Variants in CCDC85A observed in about 807,000 individuals in gnomAD.
CCDC85A encodes coiled-coil domain-containing protein 85A.
In CCDC85A, 38 loss-of-function variants were observed where a neutral mutation model predicts 50.2. The observed-to-expected ratio is 0.76, with a 90% CI of 0.58 to 0.99. The LOEUF (loss-of-function observed/expected upper bound fraction) is 0.99, where lower values mean the gene tolerates loss of function less well. Among genes scored for constraint, CCDC85A ranks in the 50% least tolerant of loss-of-function variants. The pLI is 0.00. For synonymous variants in CCDC85A, 366 were observed against 301.4 expected (o/e 1.21, Z -2.22); for missense variants, 820 against 742.0 (o/e 1.11, Z -1.22).
chr2:56,325,241 G>A (rs1012499965), intron 2 of CCDC85A, among the ~76,000 whole-genome samples: 18 of 152,128 alleles, frequency 1.2e-4, no homozygotes, highest in African/African-American at 3.9e-4. Flanking sequence ...GTCATTATAT[G>A]TATAATTATA....
In CCDC85A at chr2:56,184,558, C is replaced by T; in HGVS notation, c.-67C>T. 7.4e-7 allele frequency: 1 copy of T among 1,357,692 alleles called. No individual in the cohort carries two copies. 84.1% of individuals were successfully genotyped at this position (1,357,692 alleles called of 1,614,324 possible). A position where few individuals can be genotyped will look rare whatever the true frequency, so the allele number is the denominator to read the frequency against. On this transcript the variant is annotated 5_prime_UTR_variant, in exon 1 of 6. Transcript: ENST00000407595. The stretch of plus-strand genomic sequence containing the variant: ...GGGGTGTGGGCGGAGGCGGCCTCGC[C>T]GCGCCCGCGCCTTCGGGAGTCGCCT...
intron 2 of CCDC85A, among the ~76,000 whole-genome samples, chr2:56,253,663 C>G (rs1032098440): frequency 6.6e-6 from 1 of 152,082 alleles, no homozygotes; most frequent in Admixed American, 6.6e-5. Context: ...AGGAGGTGGC[C>G]TAGTCAAGGC....
chr2:56,194,757 G>A (rs1676459061), intron 2 of CCDC85A, among the ~76,000 whole-genome samples: 1 of 152,188 alleles, frequency 6.6e-6, no homozygotes, highest in South Asian at 2.1e-4. Context: ...GGGAGGTGGA[G>A]GCCCAGAGAA....
At chr2:56,379,695 T>A (rs1200895275) in intron 5 of CCDC85A, 1 of 566,952 alleles carries the variant, frequency 1.8e-6, no homozygotes, top group African/African-American at 2.0e-5. Context: ...GGTTTTATCA[T>A]AACTAACAAG....
At chr2:56,205,406 A>G (rs1436449055) in intron 2 of CCDC85A, among the ~76,000 whole-genome samples, 2 of 144,482 alleles carry the variant, frequency 1.4e-5, no homozygotes, top group African/African-American at 5.3e-5. Context: ...TCTTCAGAGA[A>G]ATGGAGAAGG....
intron 2 of CCDC85A, among the ~76,000 whole-genome samples, chr2:56,217,855 G>C (rs764694624): frequency 8.6e-5 from 13 of 151,656 alleles, no homozygotes; most frequent in Non-Finnish European, 1.5e-4. Context: ...AATGTGATTT[G>C]CCAGCTTTTT....
chr2:56,352,481 G>A (rs1342222431), intron 3 of CCDC85A, among the ~76,000 whole-genome samples: 1 of 152,112 alleles, frequency 6.6e-6, no homozygotes, highest in African/African-American at 2.4e-5. Context: ...GAGTAGCTGG[G>A]ATTACAGGCA....
At chr2:56,360,808 C>G (rs1675485005) in intron 3 of CCDC85A, among the ~76,000 whole-genome samples, 1 of 152,198 alleles carries the variant, frequency 6.6e-6, no homozygotes, top group South Asian at 2.1e-4. Flanking sequence ...TCCCCAGAAT[C>G]TCATATAGGC....
At chr2:56,341,669 T>G (rs1023148134) in intron 2 of CCDC85A, among the ~76,000 whole-genome samples, 7 of 152,236 alleles carry the variant, frequency 4.6e-5, no homozygotes, top group African/African-American at 1.7e-4. Flanking sequence ...CCATAAACTT[T>G]AGAGTTCAGT....
chr2:56,219,503 T>C (rs887847942), intron 2 of CCDC85A, among the ~76,000 whole-genome samples: 2 of 151,740 alleles, frequency 1.3e-5, no homozygotes, highest in African/African-American at 4.8e-5. Context: ...GACAAACTGC[T>C]TGTAAAGTTT....
chr2:56,358,968 T>TG (rs1675382566), intron 3 of CCDC85A, among the ~76,000 whole-genome samples: 3 of 34,906 alleles, frequency 8.6e-5, no homozygotes, highest in African/African-American at 2.2e-4. Flanking sequence ...TGTATTTTTT[T>TG]TTTTTTTTTT....
intron 2 of CCDC85A, among the ~76,000 whole-genome samples, chr2:56,315,502 CTG>C (rs1672881617): frequency 6.6e-6 from 1 of 152,100 alleles, no homozygotes. Context: ...GTGCCAGACA[CTG>C]TGGGATATCA....
intron 2 of CCDC85A, among the ~76,000 whole-genome samples, chr2:56,262,906 A>T (rs79499643): frequency 0.015 from 2,245 of 152,320 alleles, 66 homozygotes; most frequent in African/African-American, 0.051. Flanking sequence ...TTACTCCATT[A>T]GTTTGGCAAA....
At chr2:56,232,481 G>T (rs533280977) in intron 2 of CCDC85A, among the ~76,000 whole-genome samples, 1 of 152,092 alleles carries the variant, frequency 6.6e-6, no homozygotes, top group Non-Finnish European at 1.5e-5. Flanking sequence ...AATCACAGGG[G>T]CAGTTTCCTC....
chr2:56,203,960 C>G (rs922852553), intron 2 of CCDC85A, among the ~76,000 whole-genome samples: 1 of 152,090 alleles, frequency 6.6e-6, no homozygotes, highest in Non-Finnish European at 1.5e-5. Flanking sequence ...GGAGTAGATT[C>G]GGGACTGGCT....
At chr2:56,364,544 G>A (rs1675694475) in intron 3 of CCDC85A, among the ~76,000 whole-genome samples, 1 of 152,092 alleles carries the variant, frequency 6.6e-6, no homozygotes, top group Admixed American at 6.5e-5. Context: ...AAAACCTTTT[G>A]GAGGGTATTC....
At chr2:56,250,284 C>T (rs886556325) in intron 2 of CCDC85A, among the ~76,000 whole-genome samples, 2 of 152,150 alleles carry the variant, frequency 1.3e-5, no homozygotes, top group Non-Finnish European at 2.9e-5. Flanking sequence ...TAAAAATGTG[C>T]CCTGGACCCT....
At chr2:56,294,080 G>C (rs1573194602) in intron 2 of CCDC85A, among the ~76,000 whole-genome samples, 1 of 152,020 alleles carries the variant, frequency 6.6e-6, no homozygotes, top group African/African-American at 2.4e-5. Context: ...GATAGAGTGG[G>C]TAAAGAAAAT....
At chr2:56,212,648 G>A (rs956430665) in intron 2 of CCDC85A, among the ~76,000 whole-genome samples, 1 of 151,992 alleles carries the variant, frequency 6.6e-6, no homozygotes, top group African/African-American at 2.4e-5. Context: ...ATCCTCATTG[G>A]TATATGTCAA....
Sources: gnomAD v4.1 joint callset for allele counts (sites outside exome capture counted in the v4.1 genomes callset) on GRCh38, gnomAD v4.1.1 for gene constraint, MANE v1.5 for transcripts, NCBI Gene and HGNC (gene_info 2026-07-23, HGNC 2026-07-21) for gene names.